Variants in RNF144A observed in about 807,000 individuals in gnomAD.
The protein encoded by RNF144A is ring finger protein 144A.
RNF144A carries 11 observed loss-of-function variants against 38.7 expected under a neutral mutation model. The observed-to-expected ratio is 0.28, with a 90% CI of 0.18 to 0.47. The LOEUF (loss-of-function observed/expected upper bound fraction) is 0.47. Ranked by LOEUF, RNF144A falls within the 20% of genes least tolerant of loss-of-function variation. The pLI is 0.99. For missense variants in RNF144A, 316 were observed against 377.2 expected, an observed-to-expected ratio of 0.84 and a Z score of 1.34; for synonymous variants, 149 against 143.9, an observed-to-expected ratio of 1.04 and a Z score of -0.25.
At chr2:7,022,603 G>A (rs1671606744) in intron 6 of RNF144A, among the ~76,000 whole-genome samples, 1 of 152,202 alleles carries the variant, frequency 6.6e-6, no homozygotes, top group Non-Finnish European at 1.5e-5. Flanking sequence ...CAGCTTGTGA[G>A]TCACATGAGA....
rs148700181 is a variant in RNF144A at position 6,995,731 on chromosome 2, C to T, written c.-11-1185C>T. Among the ~76,000 whole-genome samples the T allele has an allele frequency of 9.0e-4, 137 of 152,292 alleles. 1 individual carries two copies. The highest frequency in any genetic ancestry group is 2.2e-3 in the African/African-American group (91 of 41,552). ...GCTTTGCTGGCAGCTGATTAGATGG[C>T]GCCTACCCTGGCTGAGGGTGGGTCG... On this transcript the variant is annotated intron_variant, in intron 2 of 8. Transcript: ENST00000320892.
chr2:7,003,231 A>T (rs902799206), intron 3 of RNF144A, among the ~76,000 whole-genome samples: 2 of 152,210 alleles, frequency 1.3e-5, no homozygotes, highest in Non-Finnish European at 2.9e-5. Context: ...AACTTATTGA[A>T]GAATGGAGTT....
Position 6,933,831 on chromosome 2 carries a change from A to G in RNF144A, c.-211-7117A>G, listed in dbSNP as rs546186705. Among the ~76,000 whole-genome samples the G allele has an allele frequency of 6.4e-4, 97 of 152,316 alleles. 1 individual carries two copies. Among genetic ancestry groups the G allele is most frequent in the African/African-American group, 2.2e-3 (92 of 41,580 alleles). ...TTTCATGCCAAGACATGAAATATTA[A>G]CTAAGGTTCAGCTTATTCTTCAGTC... On this transcript the variant is annotated intron_variant, in intron 1 of 8. Coordinates refer to ENST00000320892, the MANE Select transcript of RNF144A (RefSeq NM_014746.6).
At chr2:6,968,665 A>G (rs1342291883) in intron 2 of RNF144A, among the ~76,000 whole-genome samples, 2 of 151,570 alleles carry the variant, frequency 1.3e-5, no homozygotes, top group Admixed American at 6.6e-5. Flanking sequence ...TACCATATAA[A>G]ATAACACCCA....
chr2:7,040,575 C>G lies in RNF144A; in HGVS notation c.*815C>G, dbSNP rs1230011582. ...ATTCAGCTCAGCTCATGGGCCTCATCCCTTCTCTCCCAGGTAGCAGAAAAC... is the reference window on the plus strand; with the variant it reads ...ATTCAGCTCAGCTCATGGGCCTCATGCCTTCTCTCCCAGGTAGCAGAAAAC... On this transcript the variant is annotated 3_prime_UTR_variant, in exon 9 of 9. Transcript: ENST00000320892. The G allele has an allele frequency of 1.0e-6, 1 of 985,468 alleles. No homozygotes were observed. The highest frequency in any genetic ancestry group is 1.2e-6 in the Non-Finnish European group (1 of 829,938). The allele number at this position is 985,468 out of a possible 1,614,324, so 61.0% of individuals were successfully genotyped here. A position where few individuals can be genotyped will look rare whatever the true frequency, so the allele number is the denominator to read the frequency against.
At chr2:6,950,759 T>G (rs1476479910) in intron 2 of RNF144A, among the ~76,000 whole-genome samples, 1 of 152,244 alleles carries the variant, frequency 6.6e-6, no homozygotes, top group Non-Finnish European at 1.5e-5. Flanking sequence ...AAGATGAATT[T>G]AAGCTACCAG....
chr2:6,928,239 C>G lies in RNF144A; in HGVS notation c.-212+10617C>G, dbSNP rs187583643. 6.8e-4 allele frequency among the ~76,000 whole-genome samples: 104 copies of G among 152,306 alleles called. 1 individual carries two copies. The highest frequency in any genetic ancestry group is 2.3e-3 in the African/African-American group (94 of 41,544). On this transcript the variant is annotated intron_variant, in intron 1 of 8. Coordinates refer to ENST00000320892, the MANE Select transcript of RNF144A (RefSeq NM_014746.6). ...AAATGTGTTAAATGGACGGTTTGGG[C>G]TAGATGAATTTAACATTTTTCCTTA...
chr2:7,030,639 A>C (rs973779381), intron 8 of RNF144A, among the ~76,000 whole-genome samples: 8 of 152,088 alleles, frequency 5.3e-5, no homozygotes, highest in African/African-American at 1.9e-4. Flanking sequence ...AGGAGTGGAA[A>C]AATTCCGAGG....
chr2:6,935,991 A>G (rs1420347796), intron 1 of RNF144A, among the ~76,000 whole-genome samples: 1 of 152,068 alleles, frequency 6.6e-6, no homozygotes, highest in African/African-American at 2.4e-5. Flanking sequence ...TTTGGGAGGT[A>G]CCTTCAATAT....
At chr2:6,973,287 G>A (rs150542016) in intron 2 of RNF144A, among the ~76,000 whole-genome samples, 443 of 152,312 alleles carry the variant, frequency 2.9e-3, no homozygotes, top group African/African-American at 9.7e-3. Context: ...TTAGACTCAC[G>A]TGGTGTCTTA....
chr2:6,971,629 T>C (rs1341839498), intron 2 of RNF144A, among the ~76,000 whole-genome samples: 1 of 152,192 alleles, frequency 6.6e-6, no homozygotes, highest in Non-Finnish European at 1.5e-5. Flanking sequence ...CAGACAGCTC[T>C]GGCACGTGTA....
intron 3 of RNF144A, among the ~76,000 whole-genome samples, chr2:7,011,975 G>T (rs1232708753): frequency 1.3e-5 from 2 of 152,190 alleles, no homozygotes; most frequent in African/African-American, 2.4e-5. Flanking sequence ...ACCCAGACAT[G>T]ACTCACTACT....
chr2:7,014,973 A>G (rs1237696481), intron 5 of RNF144A, among the ~76,000 whole-genome samples: 3 of 152,212 alleles, frequency 2.0e-5, no homozygotes, highest in African/African-American at 7.2e-5. Context: ...CTAGTGATCT[A>G]TTTGGTAGCA....
chr2:7,058,886 T>C (rs556906224), intron 6 of RNF144A, among the ~76,000 whole-genome samples: 2 of 152,284 alleles, frequency 1.3e-5, no homozygotes, highest in East Asian at 1.9e-4. Flanking sequence ...TATACCTGTA[T>C]GCTGTGATAT....
intron 1 of RNF144A, among the ~76,000 whole-genome samples, chr2:6,939,744 T>C (rs1665842504): frequency 6.6e-6 from 1 of 152,212 alleles, no homozygotes; most frequent in Admixed American, 6.5e-5. Flanking sequence ...TGTTAATTTT[T>C]GTGAAAGGTT....
intron 2 of RNF144A, among the ~76,000 whole-genome samples, chr2:6,967,741 C>T (rs1314336744): frequency 6.6e-6 from 1 of 152,206 alleles, no homozygotes; most frequent in African/African-American, 2.4e-5. Flanking sequence ...CTAAATAAAT[C>T]ACTTGCATAG....
intron 1 of RNF144A, among the ~76,000 whole-genome samples, chr2:6,938,966 T>C (rs1245397468): frequency 6.6e-6 from 1 of 152,218 alleles, no homozygotes; most frequent in African/African-American, 2.4e-5. Flanking sequence ...CAGTCTTTTT[T>C]TTTTAGACAT....
intron 6 of RNF144A, 102 bp downstream of exon 6, chr2:7,020,782 G>T (rs1315380355): frequency 3.9e-6 from 4 of 1,038,790 alleles, no homozygotes; most frequent in Non-Finnish European, 5.8e-6. Flanking sequence ...AGTGGCTGTG[G>T]CTCAGTCAAC....
chr2:7,027,792 T>A lies in RNF144A; in HGVS notation c.658-2334T>A, dbSNP rs184879520. On this transcript the variant is annotated intron_variant, in intron 7 of 8. Transcript: ENST00000320892. Reference sequence around the variant, plus strand: ...CTGCAGCTCCTGGGATTGTTATGCCTCAGGGCATCATCAATAAACTAAAAA... The same window carrying A: ...CTGCAGCTCCTGGGATTGTTATGCCACAGGGCATCATCAATAAACTAAAAA... Among the ~76,000 whole-genome samples, 12 of 152,366 alleles carry A rather than the reference T, an allele frequency of 7.9e-5. 1 individual carries two copies. In the East Asian group the frequency reaches 2.3e-3, roughly 29 times the overall value.
Sources: allele counts gnomAD v4.1 joint callset (sites outside exome capture counted in the v4.1 genomes callset), GRCh38; gene constraint gnomAD v4.1.1; transcripts MANE v1.5; gene names NCBI Gene and HGNC (gene_info 2026-07-23, HGNC 2026-07-21).